Variants in WNT5B observed in about 807,000 individuals in gnomAD.
WNT5B encodes the protein Wnt family member 5B.
WNT5B carries 18 observed loss-of-function variants against 36.5 expected under a neutral mutation model. That is an observed-to-expected ratio of 0.49 (90% CI 0.34 to 0.73). The LOEUF (loss-of-function observed/expected upper bound fraction) is 0.73. Among genes scored for constraint, WNT5B ranks in the 30% least tolerant of loss-of-function variants. The pLI, the probability that WNT5B is intolerant of heterozygous loss-of-function variation, is 0.01. For missense variants in WNT5B, 424 were observed against 508.4 expected (o/e 0.83, Z 1.60); for synonymous variants, 213 against 212.3 (o/e 1.00, Z -0.03).
intron 3 of WNT5B, among the ~76,000 whole-genome samples, chr12:1,639,145 T>C (rs1449868405): frequency 6.6e-6 from 1 of 152,018 alleles, no homozygotes; most frequent in Admixed American, 6.6e-5. Context: ...GTGTTTTTTT[T>C]TCTTTTTTTT....
intron 3 of WNT5B, among the ~76,000 whole-genome samples, chr12:1,639,298 C>A (rs6489309): frequency 2.7e-5 from 4 of 150,328 alleles, no homozygotes; most frequent in Admixed American, 6.6e-5. Flanking sequence ...CCACCACGCC[C>A]GGCTAATTTT....
chr12:1,628,318 GC>G (rs1306946512), upstream of WNT5B, among the ~76,000 whole-genome samples: 1 of 152,100 alleles, frequency 6.6e-6, no homozygotes, highest in Non-Finnish European at 1.5e-5. Flanking sequence ...ACCACATCTG[GC>G]TAATTTTTAT....
At chr12:1,634,049 A>C (rs2094556003) in intron 3 of WNT5B, among the ~76,000 whole-genome samples, 2 of 152,180 alleles carry the variant, frequency 1.3e-5, no homozygotes, top group South Asian at 4.1e-4. Flanking sequence ...TCTATAAAAA[A>C]AATTTTTTTT....
intron 2 of WNT5B, among the ~76,000 whole-genome samples, chr12:1,631,701 C>G (rs934382305): frequency 6.6e-6 from 1 of 152,088 alleles, no homozygotes; most frequent in African/African-American, 2.4e-5. Flanking sequence ...CCCTCATGCC[C>G]ATGAATTGTT....
At chr12:1,639,628 A>G in intron 3 of WNT5B, 56 bp from the exon 4 acceptor site, 1 of 1,436,650 alleles carries the variant, frequency 7.0e-7, no homozygotes, top group African/African-American at 1.5e-5. Flanking sequence ...GGGGGGAAGG[A>G]CAGGTCCCCG....
upstream of WNT5B, among the ~76,000 whole-genome samples, chr12:1,628,428 G>A (rs930790306): frequency 1.1e-4 from 17 of 152,240 alleles, no homozygotes; most frequent in African/African-American, 3.4e-4. Context: ...GAAGAGCCCC[G>A]CATTCTTAAC....
intron 3 of WNT5B, among the ~76,000 whole-genome samples, chr12:1,636,562 A>C (rs1240047164): frequency 1.7e-5 from 2 of 119,880 alleles, no homozygotes; most frequent in African/African-American, 6.6e-5. Flanking sequence ...TTTTTTTGAG[A>C]CAGGGTCTTA....
At chr12:1,637,405 G>GCATA (rs2094563867) in intron 3 of WNT5B, among the ~76,000 whole-genome samples, 1 of 149,384 alleles carries the variant, frequency 6.7e-6, no homozygotes, top group African/African-American at 2.5e-5. Flanking sequence ...ATGTGAATAG[G>GCATA]CAATAAAGTG....
At chr12:1,627,646 C>T (rs1430204302), upstream of WNT5B, among the ~76,000 whole-genome samples, 8 of 152,152 alleles carry the variant, frequency 5.3e-5, no homozygotes, top group Admixed American at 3.3e-4. The surrounding 1 kb of genome is among the most constrained non-coding windows in gnomAD (Gnocchi z 5.0). Context: ...TCTTCCAACA[C>T]GCACCTCTTT....
rs2094571452 is a variant in WNT5B, at chr12:1,639,934, C to G, written c.579C>G (p.Gly193=). ...KNFAKGSEEQ[G]RVLMNLQNNE... is the part of the protein sequence containing the mutation. ...TTGCCAAAGGATCAGAGGAGCAGGGCCGGGTGCTCATGAACCTGCAAAACA... is the reference window on the plus strand; with the variant it reads ...TTGCCAAAGGATCAGAGGAGCAGGGGCGGGTGCTCATGAACCTGCAAAACA... The change falls in exon 4 of 5, where the codon GGC becomes GGG. Residue 193 remains glycine, a synonymous_variant. Transcript: ENST00000397196. The G allele has an allele frequency of 6.2e-7, 1 of 1,613,886 alleles. No individual in the cohort carries two copies. Among genetic ancestry groups the G allele is most frequent in the Non-Finnish European group, 8.5e-7 (1 of 1,179,924 alleles).
upstream of WNT5B, among the ~76,000 whole-genome samples, chr12:1,628,920 TGTGTG>T (rs1232743773): frequency 1.4e-5 from 2 of 147,336 alleles, no homozygotes; most frequent in Non-Finnish European, 3.0e-5. Context: ...GTGTGTGTGT[TGTGTG>T]TGTGTGTGTG....
rs769562673 is a variant in WNT5B, at chr12:1,632,849, G to A, written c.272G>A (p.Arg91Gln). ...KECQHQFRQR[R>Q]WNCSTADNAS... ...TGCCAGCACCAGTTCCGGCAGCGGCGGTGGAATTGCAGCACAGCGGACAAC... is the reference window on the plus strand; with the variant it reads ...TGCCAGCACCAGTTCCGGCAGCGGCAGTGGAATTGCAGCACAGCGGACAAC... Residue 91 changes from arginine to glutamine, a missense_variant, in exon 3 of 5, where the codon CGG (arginine) becomes CAG (glutamine). Transcript: ENST00000397196. The surrounding 1 kb of genome is among the most constrained non-coding windows in gnomAD (Gnocchi z 5.8). 9.9e-6 allele frequency: 16 copies of A among 1,614,000 alleles called. No individual in the cohort carries two copies. Among genetic ancestry groups the A allele is most frequent in the African/African-American group, 1.3e-5 (1 of 74,918 alleles).
chr12:1,645,757 G>T, intron 4 of WNT5B, 37 bp from the exon 5 acceptor site: 1 of 1,536,796 alleles, frequency 6.5e-7, no homozygotes, highest in Non-Finnish European at 8.8e-7. Context: ...CTTCCACCGG[G>T]ATCCTCCTTC....
rs190705240 is a variant in WNT5B at position 1,622,248 on chromosome 12, C to T, written c.-58+5105C>T. Among the ~76,000 whole-genome samples, 9 of 151,704 alleles carry T rather than the reference C, an allele frequency of 5.9e-5. No homozygotes were observed. The East Asian group carries it at 1.4e-3, about 23-fold the overall frequency. On this transcript the variant is annotated intron_variant, in intron 1 of 4. Transcript: ENST00000310594. ...GCTTCAGCCTCCTGAGTCGCTGGGA[C>T]TACAGGCGCCCGCCACCACGCCCGG... is the stretch of plus-strand genomic sequence containing the variant.
chr12:1,626,325 G>A (rs1399270387), upstream of WNT5B, among the ~76,000 whole-genome samples: 19 of 148,376 alleles, frequency 1.3e-4, no homozygotes, highest in Non-Finnish European at 1.6e-4. Context: ...GTGCAATGGC[G>A]CAGTCTCAGC....
At chr12:1,642,835 C>T (rs969877145) in intron 4 of WNT5B, among the ~76,000 whole-genome samples, 1 of 152,204 alleles carries the variant, frequency 6.6e-6, no homozygotes, top group Non-Finnish European at 1.5e-5. Flanking sequence ...CCCCACACCT[C>T]TCCTCTTCCT....
rs976981787 is a variant in WNT5B at position 1,618,886 on chromosome 12, C to A, written c.-58+1743C>A. The stretch of plus-strand genomic sequence containing the variant: ...GGCACCAGGAGTTGGAAGCTGGAAG[C>A]TCTATTCTCTGGAACATCAGGCATT... On this transcript the variant is annotated intron_variant, in intron 1 of 4. Transcript: ENST00000310594. The surrounding 1 kb of genome is among the most constrained non-coding windows in gnomAD (Gnocchi z 4.1). Among the ~76,000 whole-genome samples the A allele has an allele frequency of 6.6e-6, 1 of 152,152 alleles. No homozygotes were observed. The highest frequency in any genetic ancestry group is 2.4e-5 in the African/African-American group (1 of 41,432).
chr12:1,629,087 G>C (rs936397295), upstream of WNT5B: 1 of 152,138 alleles, frequency 6.6e-6, no homozygotes, highest in Non-Finnish European at 1.5e-5. Flanking sequence ...GAGCCGCCTC[G>C]TGGAAAGCCC....
At chr12:1,627,387 A>G (rs890674935), upstream of WNT5B, among the ~76,000 whole-genome samples, 2 of 152,112 alleles carry the variant, frequency 1.3e-5, no homozygotes, top group Non-Finnish European at 2.9e-5. The surrounding 1 kb of genome is among the most constrained non-coding windows in gnomAD (Gnocchi z 5.0). Flanking sequence ...TCAGTTCTAG[A>G]TATCAGTGGG....
Sources: allele counts gnomAD v4.1 joint callset (sites outside exome capture counted in the v4.1 genomes callset), GRCh38; gene constraint gnomAD v4.1.1; non-coding constraint Gnocchi (gnomAD v3.1); transcripts MANE v1.5; gene names NCBI Gene and HGNC (gene_info 2026-07-23, HGNC 2026-07-21).